MAF: variants seen among roughly 807,000 people sequenced by gnomAD.
MAF encodes the protein transcription factor Maf.
A neutral mutation model predicts 22.0 loss-of-function variants in MAF; 10 were observed. The ratio of observed to expected loss-of-function variants is 0.45; its 90% CI spans 0.28 to 0.77. The LOEUF is 0.77. Among genes scored for constraint, MAF ranks in the 30% least tolerant of loss-of-function variants. The pLI, the probability that MAF is intolerant of heterozygous loss-of-function variation, is 0.12. For missense variants in MAF, 544 were observed against 548.4 expected (o/e 0.99, Z 0.08); for synonymous variants, 337 against 255.8 (o/e 1.32, Z -3.03).
chr16:79,208,158 G>C, the MAF span, among the ~76,000 whole-genome samples: 1 of 152,122 alleles, frequency 6.6e-6, no homozygotes, highest in Non-Finnish European at 1.5e-5. Context: ...ATACTCTCAA[G>C]ATTGATTGCA....
the MAF span, among the ~76,000 whole-genome samples, chr16:79,578,847 G>A: frequency 6.6e-6 from 1 of 152,090 alleles, no homozygotes; most frequent in Non-Finnish European, 1.5e-5. Flanking sequence ...GAGCTTTAGG[G>A]CCCTCTGAGT....
chr16:79,387,227 TG>T, the MAF span, among the ~76,000 whole-genome samples: 1 of 152,224 alleles, frequency 6.6e-6, no homozygotes, highest in Non-Finnish European at 1.5e-5. Context: ...GAAGGGGGCC[TG>T]GGTGCTGCTA....
At position 79,599,420 on chromosome 16, in the gene MAF, G is replaced by C; in HGVS notation, c.483C>G (p.Ala161=). Residue 161 remains alanine, a synonymous_variant, in exon 1 of 2, where the codon GCC becomes GCG. Transcript: ENST00000326043. ...GGSGEEMGPA[A]AVVSAVIAAA... ...CGGCGATCACGGCGGACACCACGGC[G>C]GCGGCGGGGCCCATCTCCTCGCCGC... 3.4e-6 allele frequency: 4 copies of C among 1,178,186 alleles called. No homozygotes were observed. The highest frequency in any genetic ancestry group is 4.2e-6 in the Non-Finnish European group (4 of 955,186). The allele number at this position is 1,178,186 out of a possible 1,614,324, so 73.0% of individuals were successfully genotyped here.
downstream of MAF, among the ~76,000 whole-genome samples, chr16:79,585,311 A>G (rs937429152): frequency 6.6e-6 from 1 of 152,112 alleles, no homozygotes; most frequent in African/African-American, 2.4e-5. Context: ...CCTTGTATTG[A>G]AGTGGGGAGG....
chr16:79,209,009 G>C, the MAF span, among the ~76,000 whole-genome samples: 1 of 152,184 alleles, frequency 6.6e-6, no homozygotes, highest in African/African-American at 2.4e-5. Flanking sequence ...GAGTAGAGAA[G>C]GTCGTCTTTG....
chr16:79,598,105 T>C, intron 1 of MAF: 1 of 1,045,430 alleles, frequency 9.6e-7, no homozygotes, highest in Non-Finnish European at 1.2e-6. Flanking sequence ...TTTCACATTT[T>C]TTTTTCCTTT....
At chr16:79,283,172 A>T in the MAF span, among the ~76,000 whole-genome samples, 1 of 152,204 alleles carries the variant, frequency 6.6e-6, no homozygotes, top group Non-Finnish European at 1.5e-5. Flanking sequence ...GTGAGTGGAT[A>T]GATGGACGGA....
the MAF span, among the ~76,000 whole-genome samples, chr16:79,228,756 T>C: frequency 6.6e-6 from 1 of 151,970 alleles, no homozygotes; most frequent in Non-Finnish European, 1.5e-5. Flanking sequence ...CAAGGTAATT[T>C]GCTCAGGAAG....
chr16:79,430,375 C>A, the MAF span, among the ~76,000 whole-genome samples: 1 of 152,190 alleles, frequency 6.6e-6, no homozygotes, highest in African/African-American at 2.4e-5. Context: ...AACTAGCCAC[C>A]GCAGGTGTCA....
the MAF span, among the ~76,000 whole-genome samples, chr16:79,421,369 C>A: frequency 2.0e-5 from 3 of 152,166 alleles, no homozygotes; most frequent in Non-Finnish European, 4.4e-5. Flanking sequence ...CTGTGCTCTG[C>A]CCATTCATCC....
chr16:79,465,085 C>T, the MAF span, among the ~76,000 whole-genome samples: 9 of 152,280 alleles, frequency 5.9e-5, no homozygotes, highest in South Asian at 1.9e-3. Context: ...TCCTGAGCAA[C>T]CATCCTATGA....
the MAF span, among the ~76,000 whole-genome samples, chr16:79,271,007 T>A: frequency 6.6e-6 from 1 of 151,722 alleles, no homozygotes; most frequent in Non-Finnish European, 1.5e-5. Flanking sequence ...TTCAAGTGAT[T>A]CTCCTGCCTC....
At chr16:79,293,857 G>T in the MAF span, among the ~76,000 whole-genome samples, 1 of 151,988 alleles carries the variant, frequency 6.6e-6, no homozygotes, top group Non-Finnish European at 1.5e-5. Context: ...GAGAGAGAGA[G>T]AGAGAGAGAG....
chr16:79,343,930 A>G, the MAF span, among the ~76,000 whole-genome samples: 3 of 152,212 alleles, frequency 2.0e-5, no homozygotes, highest in East Asian at 3.9e-4. Flanking sequence ...GGTGAAATCA[A>G]TGTGATGTTT....
the MAF span, among the ~76,000 whole-genome samples, chr16:79,561,912 G>A: frequency 1.3e-5 from 2 of 152,134 alleles, no homozygotes; most frequent in Non-Finnish European, 2.9e-5. Context: ...AAGTATTGCA[G>A]GGCACTCAGC....
At chr16:79,453,925 A>T in the MAF span, among the ~76,000 whole-genome samples, 1 of 152,196 alleles carries the variant, frequency 6.6e-6, no homozygotes. Context: ...CTAAATACCT[A>T]CCTTGCTATT....
At chr16:79,412,426 C>G in the MAF span, among the ~76,000 whole-genome samples, 1 of 152,184 alleles carries the variant, frequency 6.6e-6, no homozygotes, top group South Asian at 2.1e-4. Flanking sequence ...CCTTGACAGA[C>G]ATTGGTTGAA....
the MAF span, among the ~76,000 whole-genome samples, chr16:79,215,432 G>T: frequency 6.6e-6 from 1 of 152,274 alleles, no homozygotes; most frequent in Admixed American, 6.5e-5. Context: ...TATGCTTCAA[G>T]CATTTGGTGG....
the MAF span, among the ~76,000 whole-genome samples, chr16:79,484,071 C>T: frequency 3.3e-5 from 5 of 152,158 alleles, no homozygotes; most frequent in Admixed American, 6.5e-5. Flanking sequence ...TTGAGAGCTT[C>T]CTCCCATTCT....
Sources: allele counts gnomAD v4.1 joint callset (sites outside exome capture counted in the v4.1 genomes callset), GRCh38; gene constraint gnomAD v4.1.1; transcripts MANE v1.5; gene names NCBI Gene and HGNC (gene_info 2026-07-23, HGNC 2026-07-21).